RPH3AL: variants seen among roughly 807,000 people sequenced by gnomAD.
RPH3AL encodes rabphilin 3A like (without C2 domains), also known as rab effector Noc2.
RPH3AL carries 38 observed loss-of-function variants against 43.1 expected under a neutral mutation model. The observed-to-expected ratio is 0.88, with a 90% CI of 0.68 to 1.15. The LOEUF (loss-of-function observed/expected upper bound fraction) is 1.15, where lower values mean the gene tolerates loss of function less well. RPH3AL is among the 50% of genes most tolerant of loss of function. The pLI is 0.00. For missense variants in RPH3AL, 462 were observed against 423.2 expected, an observed-to-expected ratio of 1.09 and a Z score of -0.81; for synonymous variants, 189 against 176.3, an observed-to-expected ratio of 1.07 and a Z score of -0.57.
In RPH3AL at chr17:327,448, G is replaced by A; in HGVS notation, c.77+19C>T. 3 of 1,612,036 alleles carry A rather than the reference G, an allele frequency of 1.9e-6. No individual in the cohort carries two copies. Among genetic ancestry groups the A allele is most frequent in the Non-Finnish European group, 2.5e-6 (3 of 1,178,336 alleles). On this transcript the variant is annotated intron_variant, in intron 3 of 9. Coordinates refer to ENST00000331302, the MANE Select transcript of RPH3AL (RefSeq NM_006987.4). Reference sequence around the variant, plus strand: ...AGGCAGAAGGAAGGGACGGCCTGGGGGGCCCCAGAGGTACTCACTTGGCTC... The same window carrying A: ...AGGCAGAAGGAAGGGACGGCCTGGGAGGCCCCAGAGGTACTCACTTGGCTC...
At chr17:298,822 G>GCA (rs770345796) in intron 5 of RPH3AL, among the ~76,000 whole-genome samples, 31 of 152,094 alleles carry the variant, frequency 2.0e-4, no homozygotes, top group Non-Finnish European at 3.7e-4. Flanking sequence ...AACAGCAACA[G>GCA]CACACTAGCG....
chr17:277,599 A>G (rs1163160418), intron 6 of RPH3AL, among the ~76,000 whole-genome samples: 1 of 152,176 alleles, frequency 6.6e-6, no homozygotes, highest in Non-Finnish European at 1.5e-5. Flanking sequence ...AGAGGGGGAG[A>G]TCGGATTCTG....
At position 245,721 on chromosome 17, in the gene RPH3AL, C is replaced by T. The variant is rs1010796315; in HGVS notation, c.613+1390G>A. Among the ~76,000 whole-genome samples, 2 of 152,022 alleles carry T rather than the reference C, an allele frequency of 1.3e-5. No homozygotes were observed. Among genetic ancestry groups the T allele is most frequent in the East Asian group, 1.9e-4 (1 of 5,184 alleles). The stretch of plus-strand genomic sequence containing the variant: ...GTGGCAGAGGGACCAGGTGGAGGAC[C>T]GCCACTTCTCCAGCCAATCTCGGGC... On this transcript the variant is annotated intron_variant, in intron 7 of 9. Coordinates refer to ENST00000331302, the MANE Select transcript of RPH3AL (RefSeq NM_006987.4). The surrounding 1 kb of genome is among the most constrained non-coding windows in gnomAD (Gnocchi z 5.9).
At position 314,760 on chromosome 17, in the gene RPH3AL, G is replaced by T. The variant is rs1181196580; in HGVS notation, c.351+4660C>A. On this transcript the variant is annotated intron_variant, in intron 5 of 9. Coordinates refer to ENST00000331302, the MANE Select transcript of RPH3AL (RefSeq NM_006987.4). ...CTCTGTGCTCCACCTCCATTGACCT[G>T]TAGTCTCTGTGACCCCACCTCCATT... 9.2e-4 allele frequency among the ~76,000 whole-genome samples: 107 copies of T among 116,704 alleles called. 2 individuals carry two copies. Among genetic ancestry groups the T allele is most frequent in the African/African-American group, 3.5e-3 (97 of 27,668 alleles). 76.6% of individuals were successfully genotyped at this position (116,704 alleles called of 152,430 possible).
chr17:241,431 T>C (rs2041531306), intron 7 of RPH3AL, among the ~76,000 whole-genome samples: 1 of 152,074 alleles, frequency 6.6e-6, no homozygotes, highest in African/African-American at 2.4e-5. Context: ...AGAAATTGAT[T>C]TGAATGTCCA....
At chr17:286,496 CAAAT>C (rs1179019003) in intron 5 of RPH3AL, among the ~76,000 whole-genome samples, 1 of 152,188 alleles carries the variant, frequency 6.6e-6, no homozygotes, top group African/African-American at 2.4e-5. Context: ...CGCTCCCACT[CAAAT>C]AACACATAAT....
intron 6 of RPH3AL, among the ~76,000 whole-genome samples, chr17:258,411 T>C (rs2042116254): frequency 6.6e-6 from 1 of 152,208 alleles, no homozygotes; most frequent in Admixed American, 6.5e-5. Context: ...GGTGTTTCAC[T>C]CAAGTTCCTG....
chr17:237,642 G>GGT (rs2041430229), intron 7 of RPH3AL, among the ~76,000 whole-genome samples: 1 of 152,218 alleles, frequency 6.6e-6, no homozygotes, highest in Non-Finnish European at 1.5e-5. Context: ...GGCTTTTGAT[G>GGT]GTGCTGGGCA....
In RPH3AL at chr17:219,668, T is replaced by A; in HGVS notation, c.682A>T (p.Thr228Ser). Residue 228 changes from threonine (T) to serine (S), a missense_variant, in exon 8 of 10, where the codon ACT becomes TCT. Thr to Ser is a moderately conservative substitution (Grantham distance 58, BLOSUM62 1). Transcript: ENST00000331302. The stretch of plus-strand genomic sequence containing the variant: ...TCGCCTTTCCGGTCCCTGACCCCAG[T>A]GGATGGGAGTCTGTCCTCTAGGCTG... Reference protein sequence around the residue: ...SSSLEDRLPSTGVRDRKGDKP... With the variant: ...SSSLEDRLPSSGVRDRKGDKP... 6.2e-7 allele frequency: 1 copy of A among 1,613,586 alleles called. No individual in the cohort carries two copies. The highest frequency in any genetic ancestry group is 1.1e-5 in the South Asian group (1 of 91,062).
chr17:321,828 C>T (rs570664688), intron 3 of RPH3AL, among the ~76,000 whole-genome samples: 68 of 152,214 alleles, frequency 4.5e-4, no homozygotes, highest in African/African-American at 1.5e-3. Context: ...TTGGCAAAGA[C>T]GGCAGCACCA....
At chr17:297,736 A>G (rs1253540522) in intron 5 of RPH3AL, among the ~76,000 whole-genome samples, 1 of 152,172 alleles carries the variant, frequency 6.6e-6, no homozygotes, top group South Asian at 2.1e-4. Context: ...CAGGAGGGTG[A>G]GGCAGCAGCC....
intron 6 of RPH3AL, 146 bp from the exon 7 acceptor site, chr17:247,431 G>C: frequency 1.3e-6 from 1 of 763,846 alleles, no homozygotes; most frequent in Non-Finnish European, 2.0e-6. Flanking sequence ...CTGGCTGATG[G>C]GCTGGGCTGT....
chr17:337,495 G>T (rs533128239), intron 1 of RPH3AL, among the ~76,000 whole-genome samples: 1 of 152,288 alleles, frequency 6.6e-6, no homozygotes, highest in African/African-American at 2.4e-5. Context: ...CCACACACGG[G>T]CTCTCTACGG....
rs940861218 is a variant in RPH3AL at position 213,318 on chromosome 17, C to T, written c.*534G>A. 1.8e-5 allele frequency: 3 copies of T among 164,898 alleles called. No homozygotes were observed. Among genetic ancestry groups the T allele is most frequent in the Admixed American group, 5.6e-5 (1 of 17,744 alleles). The allele number at this position is 164,898 out of a possible 1,614,324, so 10.2% of individuals were successfully genotyped here. A position where few individuals can be genotyped will look rare whatever the true frequency, so the allele number is the denominator to read the frequency against. ...CCCAGGTTTCACCCACGGTCCTGGG[C>T]CAGCCCATGGGAGGGGGGCACTGCG... On this transcript the variant is annotated 3_prime_UTR_variant, in exon 10 of 10. Coordinates refer to ENST00000331302, the MANE Select transcript of RPH3AL (RefSeq NM_006987.4).
At chr17:305,767 T>C (rs2043470295) in intron 5 of RPH3AL, among the ~76,000 whole-genome samples, 1 of 148,166 alleles carries the variant, frequency 6.7e-6, no homozygotes, top group African/African-American at 2.6e-5. Flanking sequence ...CACTCAGTCA[T>C]CCCTCACATC....
Position 264,338 on chromosome 17 carries a change from CCG to C in RPH3AL, c.439-17055_439-17054del, listed in dbSNP as rs1555547292. Among the ~76,000 whole-genome samples the C allele has an allele frequency of 6.7e-4, 58 of 86,934 alleles. 1 individual carries two copies. Among genetic ancestry groups the C allele is most frequent in the African/African-American group, 2.4e-3 (56 of 22,858 alleles). The allele number at this position is 86,934 out of a possible 152,430, so 57.0% of individuals were successfully genotyped here. On this transcript the variant is annotated intron_variant, in intron 6 of 9. Transcript: ENST00000331302. This position sits in a 1 kb window ranked among gnomAD's most constrained non-coding sequence, Gnocchi z 4.8. ...TTGACAGCAGGATTACCCTTCGGAG[CCG>C]TGCGCGCTGGATGGGGACTCAGAAT...
chr17:335,089 C>G (rs553571562), intron 1 of RPH3AL, among the ~76,000 whole-genome samples: 1 of 152,198 alleles, frequency 6.6e-6, no homozygotes, highest in South Asian at 2.1e-4. Flanking sequence ...CCACGGTGAG[C>G]GTGGGCAGCA....
At position 217,480 on chromosome 17, in the gene RPH3AL, C is replaced by T. The variant is rs1312918768; in HGVS notation, c.728-1678G>A. ...CAGGACCCCCAAGGCATTTCATTCCCATCTGGGGCAGTTATTACAGAGCCC... is the reference window on the plus strand; with the variant it reads ...CAGGACCCCCAAGGCATTTCATTCCTATCTGGGGCAGTTATTACAGAGCCC... On this transcript the variant is annotated intron_variant, in intron 8 of 9. Transcript: ENST00000331302. Among the ~76,000 whole-genome samples, 10 of 58,664 alleles carry T rather than the reference C, an allele frequency of 1.7e-4. No individual in the cohort carries two copies. In the South Asian group the frequency reaches 9.2e-3, roughly 54 times the overall value. 38.5% of individuals were successfully genotyped at this position (58,664 alleles called of 152,430 possible). A position where few individuals can be genotyped will look rare whatever the true frequency, so the allele number is the denominator to read the frequency against.
intron 7 of RPH3AL, among the ~76,000 whole-genome samples, chr17:224,581 C>T (rs2041064174): frequency 6.6e-6 from 1 of 152,222 alleles, no homozygotes; most frequent in Admixed American, 6.5e-5. Flanking sequence ...TTGTGAGGCT[C>T]CTTGAGGGCA....
Sources: allele counts gnomAD v4.1 joint callset (sites outside exome capture counted in the v4.1 genomes callset), GRCh38; gene constraint gnomAD v4.1.1; non-coding constraint Gnocchi (gnomAD v3.1); transcripts MANE v1.5; gene names NCBI Gene and HGNC (gene_info 2026-07-23, HGNC 2026-07-21).